Variants in CTNNA2 observed in about 807,000 individuals in gnomAD.
CTNNA2 encodes catenin alpha-2.
Under a neutral mutation model 101.0 loss-of-function variants are expected in CTNNA2, and 42 were observed. The observed-to-expected ratio is 0.42, with a 90% CI of 0.32 to 0.54. The LOEUF (loss-of-function observed/expected upper bound fraction) is 0.54, where lower values mean the gene tolerates loss of function less well. CTNNA2 is among the 20% of genes least tolerant of loss of function. CTNNA2 has a pLI of 0.14. For synonymous variants in CTNNA2, 450 were observed against 456.4 expected (o/e 0.99, Z 0.18); for missense variants, 871 against 1,223.1 (o/e 0.71, Z 4.29).
intron 7 of CTNNA2, among the ~76,000 whole-genome samples, chr2:79,929,008 T>C (rs569144367): frequency 6.6e-6 from 1 of 152,294 alleles, no homozygotes; most frequent in Admixed American, 6.5e-5. Context: ...AGATTAAGTA[T>C]CTGTAAATAC....
chr2:79,236,708 T>C (rs1674562455), intron 2 of CTNNA2, among the ~76,000 whole-genome samples: 1 of 152,262 alleles, frequency 6.6e-6, no homozygotes, highest in African/African-American at 2.4e-5. Flanking sequence ...TCAACAATGT[T>C]CACAGCATCT....
At chr2:79,474,791 G>A (rs1258615627) in intron 4 of CTNNA2, among the ~76,000 whole-genome samples, 1 of 152,166 alleles carries the variant, frequency 6.6e-6, no homozygotes, top group Non-Finnish European at 1.5e-5. Flanking sequence ...AATTCAATTA[G>A]GTTGCTGATC....
intron 6 of CTNNA2, among the ~76,000 whole-genome samples, chr2:79,886,295 T>A (rs1683854658): frequency 1.3e-5 from 2 of 152,130 alleles, no homozygotes; most frequent in Non-Finnish European, 2.9e-5. Context: ...CATGCAGTTG[T>A]ATGGTGGGTA....
chr2:79,867,512 G>A (rs1008784126), intron 4 of CTNNA2, among the ~76,000 whole-genome samples: 6 of 152,002 alleles, frequency 3.9e-5, no homozygotes, highest in East Asian at 1.9e-4. Context: ...ATTCTGCCCC[G>A]TGATTCTTTG....
At chr2:79,884,158 T>C (rs1274438775) in intron 6 of CTNNA2, among the ~76,000 whole-genome samples, 1 of 152,234 alleles carries the variant, frequency 6.6e-6, no homozygotes. Context: ...TTTAGCTTTC[T>C]ATTTGTGATT....
At chr2:79,720,743 G>A (rs1686426757) in intron 2 of CTNNA2, among the ~76,000 whole-genome samples, 1 of 152,058 alleles carries the variant, frequency 6.6e-6, no homozygotes, top group East Asian at 1.9e-4. Context: ...CAGGAACCTT[G>A]CTAAACCTGT....
chr2:80,292,275 C>A (rs1339810028), intron 7 of CTNNA2, among the ~76,000 whole-genome samples: 5 of 152,100 alleles, frequency 3.3e-5, no homozygotes, highest in Non-Finnish European at 5.9e-5. Context: ...CTTATAACAA[C>A]CCTATGTCCA....
intron 3 of CTNNA2, among the ~76,000 whole-genome samples, chr2:79,347,569 C>A (rs1215768018): frequency 6.6e-6 from 1 of 151,972 alleles, no homozygotes; most frequent in Non-Finnish European, 1.5e-5. Flanking sequence ...ACCGAACCTG[C>A]GAAAACTCAC....
intron 2 of CTNNA2, among the ~76,000 whole-genome samples, chr2:79,741,728 G>C (rs1671299585): frequency 6.6e-6 from 1 of 152,214 alleles, no homozygotes; most frequent in East Asian, 1.9e-4. Flanking sequence ...TCTTGTAGTA[G>C]TTGGACTTGT....
chr2:79,281,661 A>G (rs1675387299), intron 2 of CTNNA2: 1 of 152,188 alleles, frequency 6.6e-6, no homozygotes, highest in Non-Finnish European at 1.5e-5. Context: ...TTGCCTGTGC[A>G]TTTCACAGTT....
intron 7 of CTNNA2, among the ~76,000 whole-genome samples, chr2:80,336,822 C>G (rs549204733): frequency 1.7e-4 from 26 of 152,270 alleles, no homozygotes; most frequent in Middle Eastern, 6.8e-3. Context: ...TAAGAAGTGA[C>G]TCTATGCAAG....
At chr2:79,426,761 T>C (rs1678596207) in intron 4 of CTNNA2, among the ~76,000 whole-genome samples, 1 of 152,178 alleles carries the variant, frequency 6.6e-6, no homozygotes. Flanking sequence ...TTAAGGTCTA[T>C]ATCTTCTGTA....
chr2:79,465,282 T>A (rs1322972988), intron 4 of CTNNA2, among the ~76,000 whole-genome samples: 1 of 152,208 alleles, frequency 6.6e-6, no homozygotes, highest in Non-Finnish European at 1.5e-5. Flanking sequence ...TCATCAAAGA[T>A]CAGATGGTTG....
chr2:79,547,822 T>G (rs1673834984), intron 1 of CTNNA2: 1 of 152,744 alleles, frequency 6.5e-6, no homozygotes, highest in South Asian at 2.1e-4. Flanking sequence ...ACAGTTTGTC[T>G]CCAGTATGAG....
intron 4 of CTNNA2, among the ~76,000 whole-genome samples, chr2:79,490,374 C>T (rs1231112444): frequency 6.6e-6 from 1 of 152,142 alleles, no homozygotes; most frequent in South Asian, 2.1e-4. Context: ...CAGTAGCCAT[C>T]TGTCATTGGA....
chr2:80,073,797 A>G (rs950961919), intron 7 of CTNNA2, among the ~76,000 whole-genome samples: 4 of 151,224 alleles, frequency 2.6e-5, no homozygotes, highest in Admixed American at 2.0e-4. Context: ...CATATCACAT[A>G]TGTTGTTTTA....
intron 7 of CTNNA2, among the ~76,000 whole-genome samples, chr2:80,283,834 G>A (rs79686027): frequency 0.014 from 2,157 of 152,106 alleles, 50 homozygotes; most frequent in African/African-American, 0.048. Context: ...AGATGGGAGG[G>A]CAAAAGAAGG....
intron 7 of CTNNA2, among the ~76,000 whole-genome samples, chr2:79,927,601 A>G (rs548463757): frequency 1.3e-5 from 2 of 152,328 alleles, no homozygotes; most frequent in East Asian, 3.9e-4. Flanking sequence ...TCAATTATTC[A>G]TTGAACTCAC....
intron 7 of CTNNA2, among the ~76,000 whole-genome samples, chr2:80,214,221 T>G (rs930934107): frequency 1.3e-5 from 2 of 152,176 alleles, no homozygotes; most frequent in Non-Finnish European, 2.9e-5. Context: ...CATTTAAGGT[T>G]AATATTGTTA....
Sources: gnomAD v4.1 joint callset for allele counts (sites outside exome capture counted in the v4.1 genomes callset) on GRCh38, gnomAD v4.1.1 for gene constraint, MANE v1.5 for transcripts, NCBI Gene and HGNC (gene_info 2026-07-23, HGNC 2026-07-21) for gene names.